The following CEP120 variants were observed in gnomAD, a reference collection of about 807,000 sequenced individuals.
CEP120 encodes the protein centrosomal protein of 120 kDa.
A neutral mutation model predicts 126.5 loss-of-function variants in CEP120; 113 were observed. The observed-to-expected ratio is 0.89, with a 90% CI of 0.77 to 1.04. CEP120 has a LOEUF of 1.04. Among genes scored for constraint, CEP120 ranks in the 50% least tolerant of loss-of-function variants. The probability of loss-of-function intolerance (pLI) is 0.00; values close to 1 mark genes in which losing one functional copy is unlikely to be tolerated. For missense variants in CEP120, 1,230 were observed against 1,155.7 expected (o/e 1.06, Z -0.93); for synonymous variants, 400 against 394.3 (o/e 1.01, Z -0.17).
chr5:123,362,459 CTTCT>C (rs1264979155), intron 18 of CEP120, among the ~76,000 whole-genome samples: 2 of 151,824 alleles, frequency 1.3e-5, no homozygotes, highest in African/African-American at 4.8e-5. Flanking sequence ...TGCAACTTAA[CTTCT>C]TTAAGTCTCA....
chr5:123,352,743 TG>T (rs1384815954), intron 18 of CEP120, among the ~76,000 whole-genome samples: 6 of 152,056 alleles, frequency 3.9e-5, no homozygotes, highest in Non-Finnish European at 5.9e-5. Flanking sequence ...ATGATTATAT[TG>T]AATCCACAGA....
At chr5:123,369,022 T>G (rs1770669515) in intron 17 of CEP120, among the ~76,000 whole-genome samples, 1 of 151,990 alleles carries the variant, frequency 6.6e-6, no homozygotes, top group African/African-American at 2.4e-5. Flanking sequence ...CAAAAAAGTT[T>G]GAGAACTACT....
At chr5:123,401,947 C>T (rs916595521) in intron 4 of CEP120, 35 of 1,541,244 alleles carry the variant, frequency 2.3e-5, no homozygotes, top group Admixed American at 3.3e-5. Context: ...ATGTTGCTCC[C>T]GGCCGTCTTC....
intron 14 of CEP120, among the ~76,000 whole-genome samples, chr5:123,381,500 G>A (rs995816166): frequency 6.6e-6 from 1 of 151,958 alleles, no homozygotes; most frequent in African/African-American, 2.4e-5. Context: ...AGTCTGTTAG[G>A]GTTGTTTTAT....
chr5:123,416,248 T>G (rs1455007636), intron 2 of CEP120, 124 bp from the exon 3 acceptor site: 1 of 635,812 alleles, frequency 1.6e-6, no homozygotes, highest in African/African-American at 1.8e-5. Flanking sequence ...CTATTTTACA[T>G]TGTCTAAAAA....
rs1771749431 is a variant in CEP120, at chr5:123,382,887, AC to A, written c.1862del (p.Gly621ValfsTer29). 6.2e-7 allele frequency: 1 copy of A among 1,612,460 alleles called. No individual in the cohort carries two copies. Among genetic ancestry groups the A allele is most frequent in the African/African-American group, 1.3e-5 (1 of 74,936 alleles). On this transcript the variant is annotated frameshift_variant and splice_region_variant, in exon 13 of 20. Coordinates refer to ENST00000306467, the MANE Select transcript of CEP120 (RefSeq NM_001375405.1). LOFTEE classifies it high-confidence loss of function. Reference sequence around the variant, plus strand: ...ACGGCTTTTGCTGTACGGCAGATACACCCTAAGAGATGAACCAAAAAGTACA... The same window carrying A: ...ACGGCTTTTGCTGTACGGCAGATACACCTAAGAGATGAACCAAAAAGTACA... ...REIFISDSSQ[G>X]VSAVQQKPSS...
chr5:123,402,284 GA>G, intron 4 of CEP120: 1 of 1,476,354 alleles, frequency 6.8e-7, no homozygotes, highest in Non-Finnish European at 9.2e-7. Flanking sequence ...AGTGGCTGCT[GA>G]AGGCCCGGGG....
chr5:123,408,703 T>C (rs1400581649), intron 4 of CEP120, among the ~76,000 whole-genome samples: 1 of 152,220 alleles, frequency 6.6e-6, no homozygotes, highest in Non-Finnish European at 1.5e-5. Flanking sequence ...GAAGAAATTA[T>C]ACCAATTCTC....
intron 18 of CEP120, among the ~76,000 whole-genome samples, chr5:123,359,196 C>T (rs1769885015): frequency 6.6e-6 from 1 of 152,070 alleles, no homozygotes; most frequent in South Asian, 2.1e-4. Flanking sequence ...TATATCAGCT[C>T]AGTTTTAAAC....
At chr5:123,383,704 A>C (rs1349886164) in intron 11 of CEP120, among the ~76,000 whole-genome samples, 1 of 152,116 alleles carries the variant, frequency 6.6e-6, no homozygotes, top group Non-Finnish European at 1.5e-5. Context: ...ATTGGCACAT[A>C]AGCAATGCTT....
rs1483451719 is a variant in CEP120, at chr5:123,378,390, T to C, written c.2142A>G (p.Lys714=). The part of the protein sequence containing the change: ...EYTILEGKLQ[K]TLIDLEKREQ... ...CTCGCTTCTCCAAGTCAATTAGAGT[T>C]TTTTGAAGTTTTCCTTCTAGAATAG... The change falls in exon 15 of 20, where the codon AAA becomes AAG. Residue 714 remains lysine, a synonymous_variant. Transcript: ENST00000306467. 1 of 1,608,232 alleles carries C rather than the reference T, an allele frequency of 6.2e-7. No homozygotes were observed. Among genetic ancestry groups the C allele is most frequent in the Non-Finnish European group, 8.5e-7 (1 of 1,177,702 alleles).
intron 18 of CEP120, among the ~76,000 whole-genome samples, chr5:123,355,157 C>T (rs1480049500): frequency 5.3e-5 from 8 of 151,900 alleles, no homozygotes; most frequent in Admixed American, 1.3e-4. Context: ...GGTGTATATG[C>T]GCCATATTTT....
intron 4 of CEP120, among the ~76,000 whole-genome samples, chr5:123,404,005 A>G (rs1250938843): frequency 6.6e-6 from 1 of 152,226 alleles, no homozygotes; most frequent in Non-Finnish European, 1.5e-5. Flanking sequence ...ATGTTTCATT[A>G]ATGTAATAAG....
chr5:123,410,105 T>A (rs1419990698), intron 4 of CEP120, among the ~76,000 whole-genome samples: 2 of 151,214 alleles, frequency 1.3e-5, no homozygotes, highest in African/African-American at 4.9e-5. Flanking sequence ...AAAATTTACA[T>A]GAACACCCCC....
chr5:123,392,457 T>G (rs918830968), intron 6 of CEP120, among the ~76,000 whole-genome samples: 1 of 152,202 alleles, frequency 6.6e-6, no homozygotes, highest in East Asian at 1.9e-4. Context: ...CTATTTCAGT[T>G]TGATCAAAAG....
At chr5:123,422,526 A>G in intron 1 of CEP120, 1 of 1,535,622 alleles carries the variant, frequency 6.5e-7, no homozygotes, top group Non-Finnish European at 8.7e-7. Context: ...TCCTCCAGCA[A>G]GACGTGTAAA....
In CEP120 at chr5:123,393,439, G is replaced by C; in HGVS notation, c.671C>G (p.Ser224Cys). 6.2e-7 allele frequency: 1 copy of C among 1,614,024 alleles called. No individual in the cohort carries two copies. The highest frequency in any genetic ancestry group is 8.5e-7 in the Non-Finnish European group (1 of 1,179,954). Reference protein sequence around the residue: ...ERQPEFFFYYSLLGNDVTNEP... With the variant: ...ERQPEFFFYYCLLGNDVTNEP... ...ATTTGTAACATCATTTCCCAGTAAA[G>C]AGTAGTAAAAGAAAAACTCAGGCTG... The change falls in exon 6 of 20, where the codon TCT becomes TGT. Residue 224 changes from serine (S) to cysteine (C), a missense_variant. Physicochemically the swap from Ser to Cys is moderately radical, Grantham distance 112. Transcript: ENST00000306467.
chr5:123,392,151 G>T (rs1300966550), intron 6 of CEP120, among the ~76,000 whole-genome samples: 1 of 152,054 alleles, frequency 6.6e-6, no homozygotes, highest in Non-Finnish European at 1.5e-5. Context: ...TTATTATAAG[G>T]TGTAATATTT....
At position 123,382,760 on chromosome 5, in the gene CEP120, G is replaced by C. The variant is rs749655305; in HGVS notation, c.1990C>G (p.Gln664Glu). Residue 664 changes from glutamine (Q) to glutamate (E), a missense_variant, in exon 13 of 20, where the codon CAA becomes GAA. By Grantham distance (29) the Gln-to-Glu change is conservative. Coordinates refer to ENST00000306467, the MANE Select transcript of CEP120 (RefSeq NM_001375405.1). The stretch of plus-strand genomic sequence containing the variant: ...ACCTGATTTTCAAATATATCTTCTT[G>C]CATCTCCTTCCACATTTCTAGCTCA... ...ALELEMWKEMQEDIFENQLKQ... is the reference protein window; with the variant it reads ...ALELEMWKEMEEDIFENQLKQ... 1.4e-5 allele frequency: 22 copies of C among 1,612,160 alleles called. No individual in the cohort carries two copies. Among genetic ancestry groups the C allele is most frequent in the East Asian group, 2.2e-5 (1 of 44,850 alleles).
Sources: allele counts gnomAD v4.1 joint callset (sites outside exome capture counted in the v4.1 genomes callset), GRCh38; gene constraint gnomAD v4.1.1; transcripts MANE v1.5; gene names NCBI Gene and HGNC (gene_info 2026-07-23, HGNC 2026-07-21).